Variants in TRPC6 observed in about 807,000 individuals in gnomAD.
TRPC6 encodes transient receptor potential cation channel subfamily C member 6, also known as short transient receptor potential channel 6.
Under a neutral mutation model 90.7 loss-of-function variants are expected in TRPC6, and 55 were observed. The observed-to-expected ratio is 0.61, with a 90% CI of 0.49 to 0.76. The LOEUF (loss-of-function observed/expected upper bound fraction) is 0.76, where lower values mean the gene tolerates loss of function less well. Among genes scored for constraint, TRPC6 ranks in the 30% least tolerant of loss-of-function variants. The pLI is 0.00. For synonymous variants in TRPC6, 393 were observed against 393.0 expected, an observed-to-expected ratio of 1.00 and a Z score of 0.00; for missense variants, 989 against 1,122.7, an observed-to-expected ratio of 0.88 and a Z score of 1.70.
intron 1 of TRPC6, among the ~76,000 whole-genome samples, chr11:101,528,058 G>A (rs1027738028): frequency 1.3e-5 from 2 of 152,120 alleles, no homozygotes; most frequent in African/African-American, 4.8e-5. Flanking sequence ...AGGTGACAGA[G>A]TGAGACTCCA....
At chr11:101,568,887 C>T (rs1191437890) in intron 1 of TRPC6, among the ~76,000 whole-genome samples, 2 of 152,110 alleles carry the variant, frequency 1.3e-5, no homozygotes, top group Non-Finnish European at 1.5e-5. Flanking sequence ...AAGAAACAAC[C>T]GATACAAGCC....
chr11:101,463,842 T>C (rs552669008), intron 10 of TRPC6, among the ~76,000 whole-genome samples: 1 of 152,356 alleles, frequency 6.6e-6, no homozygotes, highest in South Asian at 2.1e-4. Context: ...TCTTGTATTC[T>C]ACTAGCTTTT....
chr11:101,582,909 C>T (rs1436419182), intron 1 of TRPC6, among the ~76,000 whole-genome samples: 1 of 152,076 alleles, frequency 6.6e-6, no homozygotes, highest in South Asian at 2.1e-4. Flanking sequence ...GAGTTCTAGT[C>T]ATCTCTCCCC....
intron 1 of TRPC6, among the ~76,000 whole-genome samples, chr11:101,572,480 C>T (rs11224871): frequency 0.38 from 57,446 of 152,012 alleles, 11,532 homozygotes; most frequent in Non-Finnish European, 0.46. Context: ...ACTAGAAATA[C>T]CATTTGACCC....
intron 1 of TRPC6, among the ~76,000 whole-genome samples, chr11:101,530,044 A>G (rs993644848): frequency 4.6e-5 from 7 of 152,100 alleles, no homozygotes; most frequent in Non-Finnish European, 1.0e-4. Flanking sequence ...TCCACCACCC[A>G]CAGGCCTGGC....
At chr11:101,527,427 G>T (rs1259390744) in intron 1 of TRPC6, among the ~76,000 whole-genome samples, 2 of 152,082 alleles carry the variant, frequency 1.3e-5, no homozygotes, top group African/African-American at 4.8e-5. Context: ...ATTTGACTGG[G>T]CTAGTAAGTG....
At chr11:101,489,634 ATATT>A (rs954548447) in intron 3 of TRPC6, among the ~76,000 whole-genome samples, 9 of 123,936 alleles carry the variant, frequency 7.3e-5, no homozygotes, top group African/African-American at 2.6e-4. Flanking sequence ...TTAATTTTCA[ATATT>A]TTTTTTTTTT....
Position 101,535,255 on chromosome 11 carries a change from A to G in TRPC6, c.171-30457T>C, listed in dbSNP as rs73575715. ...GGAAGAAAACACAAAGCATTTGAGG[A>G]GACAAAGTGATTAAGAAATGTATAA... On this transcript the variant is annotated intron_variant, in intron 1 of 12. Transcript: ENST00000344327. 6.3e-3 allele frequency among the ~76,000 whole-genome samples: 962 copies of G among 152,198 alleles called. 12 individuals carry two copies. Among genetic ancestry groups the G allele is most frequent in the African/African-American group, 0.022 (904 of 41,502 alleles).
chr11:101,529,971 G>C (rs1272719347), intron 1 of TRPC6, among the ~76,000 whole-genome samples: 2 of 152,120 alleles, frequency 1.3e-5, no homozygotes, highest in African/African-American at 4.8e-5. Context: ...GTTTCACCTT[G>C]GTCCTGCCAC....
At chr11:101,509,986 T>C (rs1269073202) in intron 1 of TRPC6, among the ~76,000 whole-genome samples, 2 of 152,172 alleles carry the variant, frequency 1.3e-5, no homozygotes, top group Non-Finnish European at 2.9e-5. Context: ...TGAATTTTTA[T>C]TGTTTTAGGC....
chr11:101,500,201 A>ATT (rs201999926), intron 2 of TRPC6, among the ~76,000 whole-genome samples: 5 of 122,574 alleles, frequency 4.1e-5, no homozygotes, highest in Admixed American at 8.1e-5. Context: ...CAAAATGTGT[A>ATT]TTTTTTTTCT....
At chr11:101,520,291 C>A (rs1402867323) in intron 1 of TRPC6, among the ~76,000 whole-genome samples, 3 of 152,144 alleles carry the variant, frequency 2.0e-5, no homozygotes, top group Non-Finnish European at 2.9e-5. Flanking sequence ...GTTCCTGCTT[C>A]CCCTTCGCCT....
At chr11:101,566,799 A>G (rs767406034) in intron 1 of TRPC6, among the ~76,000 whole-genome samples, 3 of 152,140 alleles carry the variant, frequency 2.0e-5, no homozygotes, top group Non-Finnish European at 4.4e-5. Context: ...TCCCTCTCCT[A>G]GCCAAGGAAA....
chr11:101,538,660 A>T (rs1861106644), intron 1 of TRPC6, among the ~76,000 whole-genome samples: 1 of 152,236 alleles, frequency 6.6e-6, no homozygotes, highest in South Asian at 2.1e-4. Flanking sequence ...GCCCTTAAAA[A>T]GAGAAAACTT....
At chr11:101,559,655 T>G (rs1398767798) in intron 1 of TRPC6, among the ~76,000 whole-genome samples, 1 of 152,060 alleles carries the variant, frequency 6.6e-6, no homozygotes, top group Non-Finnish European at 1.5e-5. Context: ...TTATTATACT[T>G]TAAGTTTTAG....
Position 101,583,750 on chromosome 11 carries a change from A to G in TRPC6, c.-247T>C, listed in dbSNP as rs970887744. ...TTGACCTGAGCAGGTCAGGCCGAGG[A>G]GACCCCGCGAGGATGCGTCTGGGGC... On this transcript the variant is annotated 5_prime_UTR_variant, in exon 1 of 13. Coordinates refer to ENST00000344327, the MANE Select transcript of TRPC6 (RefSeq NM_004621.6). 4 of 405,732 alleles carry G rather than the reference A, an allele frequency of 9.9e-6. No homozygotes were observed. Among genetic ancestry groups the G allele is most frequent in the African/African-American group, 2.1e-5 (1 of 48,354 alleles). 25.1% of individuals were successfully genotyped at this position (405,732 alleles called of 1,614,324 possible).
chr11:101,513,839 A>T (rs370857780), intron 1 of TRPC6, among the ~76,000 whole-genome samples: 1 of 152,334 alleles, frequency 6.6e-6, no homozygotes, highest in East Asian at 1.9e-4. Context: ...TCATAGAAAC[A>T]TTCAAAATGT....
chr11:101,529,779 T>C (rs76616052), intron 1 of TRPC6, among the ~76,000 whole-genome samples: 4,895 of 152,314 alleles, frequency 0.032, 122 homozygotes, highest in African/African-American at 0.068. Flanking sequence ...CATCCACTGA[T>C]AGAAGTGCCT....
At chr11:101,465,015 T>G (rs1489652302) in intron 10 of TRPC6, among the ~76,000 whole-genome samples, 2 of 152,174 alleles carry the variant, frequency 1.3e-5, no homozygotes, top group African/African-American at 2.4e-5. Context: ...AGCATTTGCT[T>G]GTCTGTAAAG....
Sources: allele counts gnomAD v4.1 joint callset (sites outside exome capture counted in the v4.1 genomes callset), GRCh38; gene constraint gnomAD v4.1.1; transcripts MANE v1.5; gene names NCBI Gene and HGNC (gene_info 2026-07-23, HGNC 2026-07-21).